ZNF217: variants seen among roughly 807,000 people sequenced by gnomAD.
The protein encoded by ZNF217 is zinc finger protein 217.
ZNF217 carries 12 observed loss-of-function variants against 73.3 expected under a neutral mutation model. The observed-to-expected ratio is 0.16, with a 90% CI of 0.10 to 0.27. The LOEUF (loss-of-function observed/expected upper bound fraction) is 0.27. Among genes scored for constraint, ZNF217 ranks in the 10% least tolerant of loss-of-function variants. ZNF217 has a pLI of 1.00. For missense variants in ZNF217, 1,195 were observed against 1,327.8 expected, an observed-to-expected ratio of 0.90 and a Z score of 1.55; for synonymous variants, 588 against 516.4, an observed-to-expected ratio of 1.14 and a Z score of -1.88.
chr20:53,590,508 CT>C (rs1988840798), intron 1 of ZNF217, among the ~76,000 whole-genome samples: 1 of 152,132 alleles, frequency 6.6e-6, no homozygotes, highest in South Asian at 2.1e-4. Context: ...AAAGTAGCTC[CT>C]TTTTTAAAGT....
intron 1 of ZNF217, among the ~76,000 whole-genome samples, chr20:53,586,675 A>G (rs1988705307): frequency 6.6e-6 from 1 of 152,260 alleles, no homozygotes; most frequent in Non-Finnish European, 1.5e-5. Context: ...TTTGCTCATC[A>G]GTAATCGTTA....
chr20:53,585,151 A>G (rs1359584778), intron 1 of ZNF217, among the ~76,000 whole-genome samples: 1 of 148,190 alleles, frequency 6.7e-6, no homozygotes, highest in Non-Finnish European at 1.5e-5. Flanking sequence ...TCTCAACATT[A>G]TTACTGTATT....
intron 5 of ZNF217, chr20:53,570,636 A>G (rs899036932): frequency 6.6e-6 from 1 of 152,560 alleles, no homozygotes; most frequent in Non-Finnish European, 1.5e-5. Context: ...TAATTCTGAT[A>G]CTACTACTTG....
rs1392117377 is a variant in ZNF217 at position 53,568,993 on chromosome 20, G to A, written c.*295C>T. 1 of 587,412 alleles carries A rather than the reference G, an allele frequency of 1.7e-6. No individual in the cohort carries two copies. The highest frequency in any genetic ancestry group is 2.6e-5 in the African/African-American group (1 of 38,218). The allele number at this position is 587,412 out of a possible 1,614,324, so 36.4% of individuals were successfully genotyped here. A position where few individuals can be genotyped will look rare whatever the true frequency, so the allele number is the denominator to read the frequency against. On this transcript the variant is annotated 3_prime_UTR_variant, in exon 6 of 6. Transcript: ENST00000371471. ...TATGCAAAAATTCCACTTCTTATTTGGTCAATTCTAAGAAAAATATTATTC... is the reference window on the plus strand; with the variant it reads ...TATGCAAAAATTCCACTTCTTATTTAGTCAATTCTAAGAAAAATATTATTC...
Position 53,575,835 on chromosome 20 carries a change from C to G in ZNF217, c.2929G>C (p.Glu977Gln). The change falls in exon 4 of 6, where the codon GAG becomes CAG. Residue 977 changes from glutamate (E) to glutamine (Q), a missense_variant. Physicochemically the swap from Glu to Gln is conservative, Grantham distance 29 (BLOSUM62 2). Coordinates refer to ENST00000371471, the MANE Select transcript of ZNF217 (RefSeq NM_006526.3). ...PPKPRFLSSS[E>Q]VDSPNVLTVQ... ...GTCAGCACATTTGGAGAATCGACCT[C>G]GCTGGAGCTCAGGAACCTTGGTTTG... 1.2e-6 allele frequency: 2 copies of G among 1,614,200 alleles called. No individual in the cohort carries two copies. Among genetic ancestry groups the G allele is most frequent in the African/African-American group, 1.3e-5 (1 of 75,060 alleles).
intron 5 of ZNF217, among the ~76,000 whole-genome samples, chr20:53,571,405 CG>C (rs370032944): frequency 0.48 from 30,256 of 63,114 alleles, 7,124 homozygotes; most frequent in East Asian, 0.62. Flanking sequence ...TCCCCGCCCC[CG>C]CCCCCCCTTT....
intron 3 of ZNF217, among the ~76,000 whole-genome samples, chr20:53,577,565 T>C (rs1988329607): frequency 6.6e-6 from 1 of 152,142 alleles, no homozygotes; most frequent in Admixed American, 6.5e-5. Flanking sequence ...CAAAGAAAAC[T>C]AAAAGCACAA....
Position 53,569,128 on chromosome 20 carries a change from AG to A in ZNF217, c.*159del. 1.5e-6 allele frequency: 2 copies of A among 1,334,864 alleles called. No homozygotes were observed. Among genetic ancestry groups the A allele is most frequent in the Non-Finnish European group, 2.0e-6 (2 of 1,006,742 alleles). The allele number at this position is 1,334,864 out of a possible 1,614,324, so 82.7% of individuals were successfully genotyped here. On this transcript the variant is annotated 3_prime_UTR_variant, in exon 6 of 6. Coordinates refer to ENST00000371471, the MANE Select transcript of ZNF217 (RefSeq NM_006526.3). ...TAACAGAACAACTTTACACAACTGT[AG>A]TGTTCCTTGCAGATTCCTCATATGT...
At chr20:53,589,860 T>A (rs1216630594) in intron 1 of ZNF217, among the ~76,000 whole-genome samples, 2 of 148,824 alleles carry the variant, frequency 1.3e-5, no homozygotes, top group Admixed American at 6.7e-5. Context: ...GTGTAATACA[T>A]TTTTTTTTTC....
intron 2 of ZNF217, among the ~76,000 whole-genome samples, chr20:53,579,545 A>G (rs1189251629): frequency 6.6e-6 from 1 of 152,202 alleles, no homozygotes; most frequent in Non-Finnish European, 1.5e-5. Context: ...AGCTGGGTTT[A>G]TAACTGGGCG....
chr20:53,571,246 T>C (rs1277497820), intron 5 of ZNF217, among the ~76,000 whole-genome samples: 1 of 152,184 alleles, frequency 6.6e-6, no homozygotes, highest in Non-Finnish European at 1.5e-5. Context: ...CCAGTCACTA[T>C]GACTGTTTTC....
intron 4 of ZNF217, among the ~76,000 whole-genome samples, chr20:53,573,154 G>C (rs939820895): frequency 4.1e-5 from 6 of 147,806 alleles, no homozygotes; most frequent in Non-Finnish European, 7.4e-5. Context: ...ATGGAGTCTC[G>C]CTCTGTCGCC....
chr20:53,594,402 A>G (rs1036079781), upstream of ZNF217, among the ~76,000 whole-genome samples: 1 of 68,574 alleles, frequency 1.5e-5, no homozygotes, highest in African/African-American at 5.7e-5. Flanking sequence ...GCCCCGCCCC[A>G]GCGCCCACGT....
At chr20:53,583,473 A>G in intron 1 of ZNF217, among the ~76,000 whole-genome samples, 1 of 152,230 alleles carries the variant, frequency 6.6e-6, no homozygotes, top group East Asian at 1.9e-4. Context: ...AGCTGAATAC[A>G]TTTTAAATGC....
chr20:53,581,397 G>T lies in ZNF217; in HGVS notation c.1366+64C>A, dbSNP rs180857618. On this transcript the variant is annotated intron_variant, in intron 2 of 5. Transcript: ENST00000371471. The surrounding 1 kb of genome is among the most constrained non-coding windows in gnomAD (Gnocchi z 4.9). ...CGTTGTCTGGAGATGGGAATAGAGA[G>T]GGGGAGACGGGGAGACAGACAGACA... is the stretch of plus-strand genomic sequence containing the variant. 2.8e-5 allele frequency: 43 copies of T among 1,525,890 alleles called. No individual in the cohort carries two copies. Among genetic ancestry groups the T allele is most frequent in the South Asian group, 1.3e-4 (10 of 79,230 alleles). The allele number at this position is 1,525,890 out of a possible 1,614,324, so 94.5% of individuals were successfully genotyped here. A position where few individuals can be genotyped will look rare whatever the true frequency, so the allele number is the denominator to read the frequency against.
chr20:53,596,207 C>CA (rs1989038849), upstream of ZNF217, among the ~76,000 whole-genome samples: 6 of 151,048 alleles, frequency 4.0e-5, no homozygotes, highest in Admixed American at 4.0e-4. Context: ...CACATTATAG[C>CA]ATCATGATTT....
upstream of ZNF217, among the ~76,000 whole-genome samples, chr20:53,596,179 C>A (rs1242239891): frequency 1.3e-5 from 2 of 151,510 alleles, no homozygotes; most frequent in Admixed American, 1.3e-4. Context: ...CTGTGCCCTC[C>A]AAAGCTACCA....
chr20:53,590,979 A>G (rs1443212198), intron 1 of ZNF217, among the ~76,000 whole-genome samples: 1 of 152,180 alleles, frequency 6.6e-6, no homozygotes, highest in Non-Finnish European at 1.5e-5. Flanking sequence ...GAAAAATGCA[A>G]ATCTACCCCC....
At chr20:53,588,619 T>C (rs201400120) in intron 1 of ZNF217, among the ~76,000 whole-genome samples, 47,491 of 112,274 alleles carry the variant, frequency 0.42, 8,702 homozygotes, top group East Asian at 0.53. Flanking sequence ...TATATATATA[T>C]ATATATACAC....
Sources: gnomAD v4.1 joint callset for allele counts (sites outside exome capture counted in the v4.1 genomes callset) on GRCh38, gnomAD v4.1.1 for gene constraint, Gnocchi (gnomAD v3.1) non-coding constraint, MANE v1.5 for transcripts, NCBI Gene and HGNC (gene_info 2026-07-23, HGNC 2026-07-21) for gene names.